The following LDAF1 variants were observed in gnomAD, a reference collection of about 807,000 sequenced individuals.
LDAF1 encodes the protein PROMETHIN.
Under a neutral mutation model 13.5 loss-of-function variants are expected in LDAF1, and 7 were observed. The ratio of observed to expected loss-of-function variants is 0.52; its 90% confidence interval spans 0.29 to 0.97. LDAF1 has a LOEUF of 0.97. Ranked by LOEUF, LDAF1 falls within the 50% of genes least tolerant of loss-of-function variation. The pLI is 0.07. For missense variants in LDAF1, 148 were observed against 193.2 expected, an observed-to-expected ratio of 0.77 and a Z score of 1.39; for synonymous variants, 69 against 77.1, an observed-to-expected ratio of 0.89 and a Z score of 0.55.
chr16:21,158,933 G>A (rs1378011247), intron 1 of LDAF1, among the ~76,000 whole-genome samples, 187 bp downstream of exon 1: 2 of 151,966 alleles, frequency 1.3e-5, no homozygotes, highest in Admixed American at 6.6e-5. Flanking sequence ...GCCGGGACGG[G>A]GCTGGGAGCG....
chr16:21,170,713 C>A, intron 3 of LDAF1, 108 bp downstream of exon 3: 1 of 1,333,390 alleles, frequency 7.5e-7, no homozygotes, highest in Non-Finnish European at 1.0e-6. Flanking sequence ...GTTATGTTGC[C>A]CAGGCTGGTC....
intron 4 of LDAF1, among the ~76,000 whole-genome samples, chr16:21,177,949 A>G (rs1447079913): frequency 6.6e-6 from 1 of 152,178 alleles, no homozygotes; most frequent in Non-Finnish European, 1.5e-5. Context: ...ACTCAAAAAA[A>G]GATAACTCCC....
At chr16:21,167,004 G>T (rs2093030592) in intron 2 of LDAF1, 2 of 1,209,318 alleles carry the variant, frequency 1.7e-6, no homozygotes, top group Non-Finnish European at 2.3e-6. Context: ...AGGAGGCAGT[G>T]AGGTCAGCGG....
chr16:21,159,868 G>A, intron 1 of LDAF1: 6 of 973,664 alleles, frequency 6.2e-6, no homozygotes, highest in Non-Finnish European at 7.3e-6. Context: ...TTGCTGCAGA[G>A]ATGAGATTAT....
chr16:21,176,090 A>C (rs1597566073), intron 4 of LDAF1, among the ~76,000 whole-genome samples: 1 of 152,132 alleles, frequency 6.6e-6, no homozygotes, highest in East Asian at 1.9e-4. Context: ...TATTTTGCAT[A>C]TTGAGGGTGA....
At chr16:21,165,601 C>T in intron 2 of LDAF1, 5 of 983,918 alleles carry the variant, frequency 5.1e-6, no homozygotes, top group Non-Finnish European at 6.0e-6. Flanking sequence ...TGGACTTGAC[C>T]ACAGTATATC....
intron 2 of LDAF1, among the ~76,000 whole-genome samples, chr16:21,163,854 T>TTTG: frequency 6.6e-6 from 1 of 151,370 alleles, no homozygotes; most frequent in South Asian, 2.1e-4. Flanking sequence ...CACCTGCCTT[T>TTTG]TTTGTTTGTT....
chr16:21,159,355 G>C (rs1567894238), intron 1 of LDAF1: 1 of 1,614,030 alleles, frequency 6.2e-7, no homozygotes, highest in Non-Finnish European at 8.5e-7. Flanking sequence ...CCTCTCCTTG[G>C]GTCTCCCTGG....
chr16:21,161,682 G>C (rs911804611), intron 2 of LDAF1, among the ~76,000 whole-genome samples: 19 of 151,806 alleles, frequency 1.3e-4, no homozygotes. Context: ...TTTTGGTTTT[G>C]TTTGGTTTTG....
At chr16:21,158,860 G>C (rs1280628611) in intron 1 of LDAF1, 114 bp downstream of exon 1, 2 of 164,634 alleles carry the variant, frequency 1.2e-5, no homozygotes, top group Non-Finnish European at 2.7e-5. Flanking sequence ...GCGCTATCGG[G>C]GTCCCACGCC....
intron 1 of LDAF1, chr16:21,159,181 G>T (rs1354644165): frequency 5.9e-6 from 5 of 845,374 alleles, no homozygotes; most frequent in Non-Finnish European, 1.0e-5. Flanking sequence ...CTCCACCGAG[G>T]TCCCCTTCCC....
chr16:21,175,724 C>T (rs1225034294), intron 4 of LDAF1, among the ~76,000 whole-genome samples: 2 of 152,164 alleles, frequency 1.3e-5, no homozygotes, highest in Non-Finnish European at 2.9e-5. Context: ...TTCTACAAAA[C>T]AGCCCTTGAA....
intron 3 of LDAF1, among the ~76,000 whole-genome samples, chr16:21,173,805 A>G (rs977498783): frequency 6.6e-6 from 1 of 152,170 alleles, no homozygotes; most frequent in African/African-American, 2.4e-5. Context: ...AGGGCCAGCC[A>G]GTTGTTGCCA....
At chr16:21,172,869 C>T in intron 3 of LDAF1, 2 of 984,168 alleles carry the variant, frequency 2.0e-6, no homozygotes, top group Non-Finnish European at 2.4e-6. Flanking sequence ...TTTCAGGGTC[C>T]CTCCCTGAAA....
chr16:21,164,863 AC>A (rs538855794), intron 2 of LDAF1, among the ~76,000 whole-genome samples: 20 of 152,124 alleles, frequency 1.3e-4, no homozygotes, highest in African/African-American at 4.8e-4. Flanking sequence ...GCTACGTTCT[AC>A]CCCCCTGAGT....
chr16:21,168,359 C>T (rs951833975), intron 2 of LDAF1, among the ~76,000 whole-genome samples: 9 of 151,986 alleles, frequency 5.9e-5, no homozygotes, highest in African/African-American at 1.4e-4. Context: ...GGAGGCTGTG[C>T]GACTCTAGAC....
At chr16:21,178,186 C>G (rs570368634) in intron 4 of LDAF1, 5 of 985,286 alleles carry the variant, frequency 5.1e-6, no homozygotes, top group Admixed American at 6.1e-5. Context: ...CAGCTAGCCT[C>G]TGAGGGGCAA....
In LDAF1 at chr16:21,180,049, C is replaced by T. The variant is rs1399506168; in HGVS notation, c.*493C>T. Reference sequence around the variant, plus strand: ...GAAAGAACAGCAACATTTGGCCTCTCCAAGTTGGAAAATAGAGTCCAAATG... The same window carrying T: ...GAAAGAACAGCAACATTTGGCCTCTTCAAGTTGGAAAATAGAGTCCAAATG... On this transcript the variant is annotated 3_prime_UTR_variant, in exon 5 of 5. Transcript: ENST00000233047. The T allele has an allele frequency of 1.9e-5, 3 of 155,466 alleles. 1 individual carries two copies. Among genetic ancestry groups the T allele is most frequent in the Admixed American group, 1.2e-4 (2 of 16,178 alleles). The allele number at this position is 155,466 out of a possible 1,614,324, so 9.6% of individuals were successfully genotyped here. A position where few individuals can be genotyped will look rare whatever the true frequency, so the allele number is the denominator to read the frequency against.
At chr16:21,175,301 T>C (rs1414952643) in intron 4 of LDAF1, among the ~76,000 whole-genome samples, 1 of 152,196 alleles carries the variant, frequency 6.6e-6, no homozygotes, top group Non-Finnish European at 1.5e-5. Context: ...TCCTTAACAA[T>C]TTAGCCCCTT....
Sources: gnomAD v4.1 joint callset for allele counts (sites outside exome capture counted in the v4.1 genomes callset) on GRCh38, gnomAD v4.1.1 for gene constraint, MANE v1.5 for transcripts, NCBI Gene and HGNC (gene_info 2026-07-23, HGNC 2026-07-21) for gene names.